GRID2: variants seen among roughly 807,000 people sequenced by gnomAD.
GRID2 encodes the protein glutamate receptor ionotropic, delta-2.
Under a neutral mutation model 114.8 loss-of-function variants are expected in GRID2, and 33 were observed. That is an observed-to-expected ratio of 0.29 (90% CI 0.22 to 0.38). GRID2 has a LOEUF of 0.38. Among genes scored for constraint, GRID2 ranks in the 10% least tolerant of loss-of-function variants. GRID2 has a pLI of 1.00. For synonymous variants in GRID2, 505 were observed against 449.9 expected, an observed-to-expected ratio of 1.12 and a Z score of -1.55; for missense variants, 1,184 against 1,257.7, an observed-to-expected ratio of 0.94 and a Z score of 0.89.
At chr4:92,875,149 GTTTTTTTTTTTTTTT>G (rs36120160) in intron 2 of GRID2, among the ~76,000 whole-genome samples, 3 of 84,992 alleles carry the variant, frequency 3.5e-5, no homozygotes, top group Non-Finnish European at 4.5e-5. Flanking sequence ...AACTCAAAAG[GTTTTTTTTTTTTTTT>G]TTTTTTTTTT....
chr4:92,543,358 CATA>C (rs1163911494), intron 1 of GRID2, among the ~76,000 whole-genome samples: 3 of 152,018 alleles, frequency 2.0e-5, no homozygotes, highest in Non-Finnish European at 4.4e-5. Flanking sequence ...CACTATAGCA[CATA>C]ATATTAAAAA....
intron 8 of GRID2, among the ~76,000 whole-genome samples, chr4:93,332,932 C>A (rs1195807977): frequency 1.3e-5 from 2 of 152,118 alleles, no homozygotes. Flanking sequence ...CACCACCAGT[C>A]ATAACTAAAT....
chr4:92,360,387 C>A (rs1728554516), intron 1 of GRID2, among the ~76,000 whole-genome samples: 1 of 151,936 alleles, frequency 6.6e-6, no homozygotes, highest in Admixed American at 6.6e-5. Context: ...TGTGCTGCTG[C>A]CTCTGCCTGT....
At chr4:92,561,833 T>C (rs1389904035) in intron 1 of GRID2, among the ~76,000 whole-genome samples, 1 of 152,198 alleles carries the variant, frequency 6.6e-6, no homozygotes, top group African/African-American at 2.4e-5. Flanking sequence ...ATATTCAATC[T>C]CAGTTATTCC....
chr4:92,732,787 G>T (rs1736391734), intron 2 of GRID2, among the ~76,000 whole-genome samples: 1 of 151,986 alleles, frequency 6.6e-6, no homozygotes, highest in African/African-American at 2.4e-5. Context: ...TTTCATATAT[G>T]TATGCTTGTC....
At chr4:92,759,609 T>C (rs1737891572) in intron 2 of GRID2, among the ~76,000 whole-genome samples, 1 of 152,028 alleles carries the variant, frequency 6.6e-6, no homozygotes, top group Non-Finnish European at 1.5e-5. Context: ...TCTCAGCTCT[T>C]TTTTATTCTT....
At chr4:92,542,405 A>G (rs770729437) in intron 1 of GRID2, among the ~76,000 whole-genome samples, 2 of 152,202 alleles carry the variant, frequency 1.3e-5, no homozygotes, top group Non-Finnish European at 2.9e-5. Context: ...AAAGATGGTT[A>G]AAGTTAAGGA....
chr4:93,407,675 A>ATT (rs1560588250), intron 9 of GRID2, among the ~76,000 whole-genome samples: 1 of 130,650 alleles, frequency 7.7e-6, no homozygotes, highest in African/African-American at 3.8e-5. Flanking sequence ...AATTTTTCAG[A>ATT]ATTTTTTTTT....
intron 4 of GRID2, chr4:93,164,691 A>T: frequency 2.3e-6 from 1 of 427,388 alleles, no homozygotes; most frequent in Non-Finnish European, 4.8e-6. Flanking sequence ...CTTTGGGAGA[A>T]AAGTGACAAA....
chr4:92,409,418 T>A (rs6832104), intron 1 of GRID2, among the ~76,000 whole-genome samples: 3,021 of 152,264 alleles, frequency 0.02, 33 homozygotes, highest in South Asian at 0.04. Flanking sequence ...TGGTATAATA[T>A]GTTTTGTGTG....
chr4:92,844,355 A>G (rs977599383), intron 2 of GRID2, among the ~76,000 whole-genome samples: 3 of 151,976 alleles, frequency 2.0e-5, no homozygotes, highest in Non-Finnish European at 2.9e-5. Flanking sequence ...CCTGAACCAC[A>G]TGGTGAAACC....
rs757311459 is a variant in GRID2, at chr4:93,515,222, C to T, written c.2004C>T (p.Leu668=). 2.6e-6 allele frequency: 4 copies of T among 1,567,000 alleles called. No individual in the cohort carries two copies. The highest frequency in any genetic ancestry group is 3.4e-5 in the Admixed American group (2 of 58,118). ...ITRIESSIQS[L]QDLSKQTEIP... ...TTCTCTCCCAATAATCAAGGTCTCT[C>T]CAGGACCTTTCCAAGCAAACAGAAA... The change falls in exon 13 of 16, where the codon CTC becomes CTT. Residue 668 remains leucine (L), a synonymous_variant. Transcript: ENST00000282020.
chr4:93,071,692 A>T (rs192293637), intron 2 of GRID2, among the ~76,000 whole-genome samples: 4 of 152,182 alleles, frequency 2.6e-5, no homozygotes, highest in African/African-American at 9.6e-5. Context: ...GAGCCAAAAT[A>T]GAGTGAGAAA....
intron 8 of GRID2, among the ~76,000 whole-genome samples, chr4:93,379,693 T>C (rs946296800): frequency 2.0e-4 from 31 of 152,130 alleles, no homozygotes; most frequent in Non-Finnish European, 8.8e-5. Flanking sequence ...AAAAAGATGA[T>C]TCAGCCATCA....
At chr4:92,544,925 G>A (rs1726167380) in intron 1 of GRID2, among the ~76,000 whole-genome samples, 1 of 151,944 alleles carries the variant, frequency 6.6e-6, no homozygotes, top group Admixed American at 6.6e-5. Context: ...ATTAGGTAAT[G>A]AGCCCAGAAA....
chr4:93,056,116 A>G (rs1324823159), intron 2 of GRID2, among the ~76,000 whole-genome samples: 4 of 151,984 alleles, frequency 2.6e-5, no homozygotes, highest in African/African-American at 9.7e-5. Context: ...GCAGGGGTGT[A>G]GAATTGCTAC....
In GRID2 at chr4:92,551,896, TTCTC is replaced by T. The variant is rs1439926825; in HGVS notation, c.89-38228_89-38225del. On this transcript the variant is annotated intron_variant, in intron 1 of 15. Coordinates refer to ENST00000282020, the MANE Select transcript of GRID2 (RefSeq NM_001510.4). ...GCATTTTAAGTAAGAGAGATAAGGT[TTCTC>T]TCTCTCCAGTAGAAAGGAATAGAGA... Among the ~76,000 whole-genome samples, 2 of 151,912 alleles carry T rather than the reference TTCTC, an allele frequency of 1.3e-5. 1 individual carries two copies. Among genetic ancestry groups the T allele is most frequent in the Non-Finnish European group, 2.9e-5 (2 of 67,978 alleles).
intron 2 of GRID2, among the ~76,000 whole-genome samples, chr4:92,763,667 A>T (rs1738127925): frequency 6.6e-6 from 1 of 152,154 alleles, no homozygotes; most frequent in African/African-American, 2.4e-5. Context: ...TTTTTGTAGG[A>T]TGATCATAGA....
intron 9 of GRID2, among the ~76,000 whole-genome samples, chr4:93,396,986 G>A (rs1337038015): frequency 6.6e-6 from 1 of 151,938 alleles, no homozygotes; most frequent in Non-Finnish European, 1.5e-5. Context: ...ATTTTCCTAT[G>A]GGCTAGGTAA....
Sources: allele counts gnomAD v4.1 joint callset (sites outside exome capture counted in the v4.1 genomes callset), GRCh38; gene constraint gnomAD v4.1.1; transcripts MANE v1.5; gene names NCBI Gene and HGNC (gene_info 2026-07-23, HGNC 2026-07-21).